The following TFCP2 variants were observed in gnomAD, a reference collection of about 807,000 sequenced individuals.
The protein encoded by TFCP2 is alpha-globin transcription factor CP2.
A neutral mutation model predicts 73.4 loss-of-function variants in TFCP2; 33 were observed. The ratio of observed to expected loss-of-function variants is 0.45; its 90% CI spans 0.34 to 0.60. The LOEUF (loss-of-function observed/expected upper bound fraction) is 0.60. Ranked by LOEUF, TFCP2 falls within the 20% of genes least tolerant of loss-of-function variation. The pLI, the probability that TFCP2 is intolerant of heterozygous loss-of-function variation, is 0.01. For synonymous variants in TFCP2, 193 were observed against 211.6 expected, an observed-to-expected ratio of 0.91 and a Z score of 0.76; for missense variants, 352 against 604.0, an observed-to-expected ratio of 0.58 and a Z score of 4.37.
chr12:51,109,043 T>A, intron 6 of TFCP2, 78 bp downstream of exon 6: 1 of 1,509,780 alleles, frequency 6.6e-7, no homozygotes, highest in South Asian at 1.2e-5. Flanking sequence ...ACAAGTTGAT[T>A]TTCTGACTTG....
At chr12:51,117,938 A>G (rs1940570066) in intron 2 of TFCP2, among the ~76,000 whole-genome samples, 191 bp from the exon 3 acceptor site, 1 of 152,246 alleles carries the variant, frequency 6.6e-6, no homozygotes, top group Admixed American at 6.5e-5. Flanking sequence ...TTTAACTGAT[A>G]TACTTTTCTA....
Position 51,110,950 on chromosome 12 carries a change from C to G in TFCP2, c.491G>C (p.Arg164Thr). Residue 164 changes from arginine to threonine, a missense_variant, in exon 5 of 15, where the codon AGG (arginine) becomes ACG (threonine). Coordinates refer to ENST00000257915, the MANE Select transcript of TFCP2 (RefSeq NM_005653.5). Reference protein sequence around the residue: ...IPMSVGIIDPRANPTQLNTVE... With the variant: ...IPMSVGIIDPTANPTQLNTVE... ...TGTATTTAGTTGAGTTGGATTAGCCCTAGGATCGATTATACCCACAGACAT... is the reference window on the plus strand; with the variant it reads ...TGTATTTAGTTGAGTTGGATTAGCCGTAGGATCGATTATACCCACAGACAT... 1.9e-6 allele frequency: 3 copies of G among 1,613,874 alleles called. No individual in the cohort carries two copies. Among genetic ancestry groups the G allele is most frequent in the Non-Finnish European group, 2.5e-6 (3 of 1,179,882 alleles).
intron 1 of TFCP2, chr12:51,124,587 T>C (rs990005721): frequency 6.0e-6 from 3 of 502,544 alleles, no homozygotes; most frequent in Non-Finnish European, 1.2e-5. Flanking sequence ...TGGGCCCTCA[T>C]GGGGCAGCCG....
intron 1 of TFCP2, among the ~76,000 whole-genome samples, chr12:51,170,274 T>G (rs182945786): frequency 4.2e-4 from 64 of 152,252 alleles, no homozygotes; most frequent in African/African-American, 1.5e-3. Flanking sequence ...CAAGTTTCCC[T>G]GAAAATCACT....
chr12:51,114,194 C>G (rs919249431), intron 4 of TFCP2, among the ~76,000 whole-genome samples: 2 of 152,152 alleles, frequency 1.3e-5, no homozygotes, highest in Non-Finnish European at 2.9e-5. Context: ...GATATATCTG[C>G]TATGGGGTTA....
chr12:51,127,155 G>A (rs1380526240), intron 1 of TFCP2, among the ~76,000 whole-genome samples: 1 of 152,268 alleles, frequency 6.6e-6, no homozygotes, highest in Non-Finnish European at 1.5e-5. Context: ...AAGAAGTAGT[G>A]GATGCCTCAA....
chr12:51,132,528 C>A (rs1053364707), intron 1 of TFCP2, among the ~76,000 whole-genome samples: 2 of 151,620 alleles, frequency 1.3e-5, no homozygotes, highest in Non-Finnish European at 2.9e-5. Context: ...ACCACCATGT[C>A]TGGCTAATTT....
At chr12:51,117,590 C>T (rs1407834195) in intron 3 of TFCP2, 81 bp downstream of exon 3, 7 of 1,138,208 alleles carry the variant, frequency 6.2e-6, no homozygotes, top group South Asian at 4.1e-5. Flanking sequence ...AGCAAAAGAA[C>T]ATTAACAACA....
chr12:51,103,726 T>C lies in TFCP2; in HGVS notation c.1004A>G (p.Gln335Arg). 1.2e-6 allele frequency: 2 copies of C among 1,614,120 alleles called. No homozygotes were observed. The highest frequency in any genetic ancestry group is 1.7e-6 in the Non-Finnish European group (2 of 1,179,996). ...AGAAAAACGATTTCGATGCAACCAC[T>C]GCTGAGCTTCCTGAGGTGTGGTTGT... is the stretch of plus-strand genomic sequence containing the variant. ...LPTTTPQEAQ[Q>R]WLHRNRFSTF... Residue 335 changes from glutamine (Q) to arginine (R), a missense_variant, in exon 10 of 15, where the codon CAG (glutamine) becomes CGG (arginine). This residue lies in a region of TFCP2 where 194 missense variants were observed against 256.3 expected (regional missense o/e 0.76). Transcript: ENST00000257915.
At chr12:51,145,836 C>A (rs1390929984) in intron 1 of TFCP2, among the ~76,000 whole-genome samples, 1 of 151,654 alleles carries the variant, frequency 6.6e-6, no homozygotes, top group Non-Finnish European at 1.5e-5. Context: ...CCTGTGGTCC[C>A]AGCTCCTTGA....
chr12:51,094,065 G>C lies in TFCP2; in HGVS notation c.*1176C>G, dbSNP rs1482070462. ...GTAAGAGTGTGAACAGGAAGGGAAT[G>C]CATCTTTTTTTGTAAAGCTTCTATT... On this transcript the variant is annotated 3_prime_UTR_variant, in exon 15 of 15. Coordinates refer to ENST00000257915, the MANE Select transcript of TFCP2 (RefSeq NM_005653.5). 6.6e-6 allele frequency: 1 copy of C among 152,076 alleles called. No homozygotes were observed. The highest frequency in any genetic ancestry group is 2.1e-4 in the South Asian group (1 of 4,820). 9.4% of individuals were successfully genotyped at this position (152,076 alleles called of 1,614,324 possible).
rs10099 is a variant in TFCP2, at chr12:51,094,099, T to A, written c.*1142A>T. On this transcript the variant is annotated 3_prime_UTR_variant, in exon 15 of 15. Transcript: ENST00000257915. Reference sequence around the variant, plus strand: ...TTTGTAAAGCTTCTATTAAAAAACATAGCATGAGTAAAATAACTTCCTATG... The same window carrying A: ...TTTGTAAAGCTTCTATTAAAAAACAAAGCATGAGTAAAATAACTTCCTATG... 1 of 152,044 alleles carries A rather than the reference T, an allele frequency of 6.6e-6. No individual in the cohort carries two copies. The highest frequency in any genetic ancestry group is 6.6e-5 in the Admixed American group (1 of 15,248). The allele number at this position is 152,044 out of a possible 1,614,324, so 9.4% of individuals were successfully genotyped here.
chr12:51,116,129 C>G (rs564502216), intron 4 of TFCP2, among the ~76,000 whole-genome samples, 186 bp downstream of exon 4: 1 of 152,170 alleles, frequency 6.6e-6, no homozygotes, highest in East Asian at 1.9e-4. Flanking sequence ...TTTACACTTC[C>G]AACTTCAATT....
At chr12:51,106,434 T>G in intron 8 of TFCP2, 91 bp downstream of exon 8, 1 of 917,884 alleles carries the variant, frequency 1.1e-6, no homozygotes, top group Non-Finnish European at 1.7e-6. Context: ...TAGATATACT[T>G]ATTGATTTAA....
intron 11 of TFCP2, among the ~76,000 whole-genome samples, 153 bp downstream of exon 11, chr12:51,101,782 A>AT (rs2136962179): frequency 6.6e-6 from 1 of 152,314 alleles, no homozygotes; most frequent in South Asian, 2.1e-4. Flanking sequence ...GCAAGAAAAC[A>AT]TTTTTCTAAA....
intron 1 of TFCP2, among the ~76,000 whole-genome samples, chr12:51,147,049 T>C (rs921353974): frequency 2.0e-5 from 3 of 152,258 alleles, no homozygotes; most frequent in East Asian, 3.9e-4. Flanking sequence ...TTGCTGTGCA[T>C]ATAAAACATT....
At chr12:51,125,333 G>A (rs1232490278) in intron 1 of TFCP2, 2 of 511,322 alleles carry the variant, frequency 3.9e-6, no homozygotes, top group Non-Finnish European at 7.7e-6. Flanking sequence ...ATTATATAAG[G>A]CAGAGTTCAC....
intron 1 of TFCP2, among the ~76,000 whole-genome samples, chr12:51,160,244 T>A (rs1592839676): frequency 6.6e-6 from 1 of 151,210 alleles, no homozygotes; most frequent in South Asian, 2.1e-4. Flanking sequence ...CAAGCGATTC[T>A]CCTGCCTCAG....
intron 1 of TFCP2, among the ~76,000 whole-genome samples, chr12:51,163,316 G>A (rs375320261): frequency 2.0e-5 from 3 of 151,894 alleles, no homozygotes; most frequent in South Asian, 4.1e-4. Flanking sequence ...AAGGCCGGGC[G>A]CGGTGGCTCA....
Sources: gnomAD v4.1 joint callset for allele counts (sites outside exome capture counted in the v4.1 genomes callset) on GRCh38, gnomAD v4.1.1 for gene constraint, gnomAD v4.1.1 regional missense constraint, MANE v1.5 for transcripts, NCBI Gene and HGNC (gene_info 2026-07-23, HGNC 2026-07-21) for gene names.